Variants in TEX2 observed in about 807,000 individuals in gnomAD.
The protein encoded by TEX2 is testis-expressed protein 2.
In TEX2, 53 loss-of-function variants were observed where a neutral mutation model predicts 106.9. That is an observed-to-expected ratio of 0.50 (90% CI 0.40 to 0.62). TEX2 has a LOEUF of 0.62. Ranked by LOEUF, TEX2 falls within the 20% of genes least tolerant of loss-of-function variation. The pLI is 0.00. For missense variants in TEX2, 1,207 were observed against 1,379.0 expected (o/e 0.88, Z 1.98); for synonymous variants, 523 against 534.8 (o/e 0.98, Z 0.30).
At chr17:64,252,789 C>T (rs541634822) in intron 1 of TEX2, among the ~76,000 whole-genome samples, 1 of 152,238 alleles carries the variant, frequency 6.6e-6, no homozygotes, top group South Asian at 2.1e-4. Flanking sequence ...AGGTCCCTGC[C>T]TTCTTGGAAG....
intron 1 of TEX2, among the ~76,000 whole-genome samples, chr17:64,229,775 A>G (rs1454930901): frequency 1.3e-5 from 2 of 152,202 alleles, no homozygotes; most frequent in Non-Finnish European, 2.9e-5. Flanking sequence ...TCTAGCTATA[A>G]TAAACTGTAA....
chr17:64,154,780 A>T lies in TEX2; in HGVS notation c.2930+62T>A, dbSNP rs2030533273. On this transcript the variant is annotated intron_variant, in intron 9 of 11. Coordinates refer to ENST00000584379, the MANE Select transcript of TEX2 (RefSeq NM_001288732.2). ...AGAGGAAGGAAGGGAAACAAGGTTCACTCCCAACTTGCTGTCCTGATCCCT... is the reference window on the plus strand; with the variant it reads ...AGAGGAAGGAAGGGAAACAAGGTTCTCTCCCAACTTGCTGTCCTGATCCCT... 17 of 1,453,044 alleles carry T rather than the reference A, an allele frequency of 1.2e-5. No individual in the cohort carries two copies. The South Asian group carries it at 2.3e-4, about 20-fold the overall frequency. The allele number at this position is 1,453,044 out of a possible 1,614,324, so 90.0% of individuals were successfully genotyped here. A position where few individuals can be genotyped will look rare whatever the true frequency, so the allele number is the denominator to read the frequency against.
intron 1 of TEX2, among the ~76,000 whole-genome samples, chr17:64,228,185 T>C (rs782129317): frequency 1.8e-4 from 28 of 152,164 alleles, no homozygotes; most frequent in African/African-American, 6.0e-4. Context: ...TTCAAACTCA[T>C]TGAAAAAAAC....
At position 64,158,661 on chromosome 17, in the gene TEX2, T is replaced by C. The variant is rs563904822; in HGVS notation, c.2804+2140A>G. On this transcript the variant is annotated intron_variant, in intron 8 of 11. Coordinates refer to ENST00000584379, the MANE Select transcript of TEX2 (RefSeq NM_001288732.2). ...GGAATCACTTCTGGGATTAGGTTCTTAACCACGGATGGGCTTTCAGAGATT... is the reference window on the plus strand; with the variant it reads ...GGAATCACTTCTGGGATTAGGTTCTCAACCACGGATGGGCTTTCAGAGATT... 2.6e-5 allele frequency among the ~76,000 whole-genome samples: 4 copies of C among 152,312 alleles called. No individual in the cohort carries two copies. In the South Asian group the frequency reaches 8.3e-4, roughly 32 times the overall value.
At chr17:64,177,911 A>G (rs533903758) in intron 5 of TEX2, among the ~76,000 whole-genome samples, 1 of 152,356 alleles carries the variant, frequency 6.6e-6, no homozygotes, top group African/African-American at 2.4e-5. Context: ...CCAGGACTCA[A>G]GTTCAGCCTG....
rs2033212467 is a variant in TEX2 at position 64,217,238 on chromosome 17, T to G, written c.-25-2996A>C. Among the ~76,000 whole-genome samples the G allele has an allele frequency of 6.6e-6, 1 of 152,174 alleles. No individual in the cohort carries two copies. The highest frequency in any genetic ancestry group is 1.5e-5 in the Non-Finnish European group (1 of 68,010). ...AGTGGTCACTGCCTCTGCCTCCTCC[T>G]GGGGACCACTTCAAGTTCCCTCTTC... On this transcript the variant is annotated intron_variant, in intron 1 of 11. Coordinates refer to ENST00000584379, the MANE Select transcript of TEX2 (RefSeq NM_001288732.2). The surrounding 1 kb of genome is among the most constrained non-coding windows in gnomAD (Gnocchi z 4.3).
At chr17:64,173,610 A>C (rs1248365178) in intron 6 of TEX2, among the ~76,000 whole-genome samples, 1 of 152,192 alleles carries the variant, frequency 6.6e-6, no homozygotes, top group Admixed American at 6.5e-5. Flanking sequence ...CATAGTTTTG[A>C]ATTGGTGTTT....
chr17:64,253,515 T>C (rs1052997516), intron 1 of TEX2, among the ~76,000 whole-genome samples: 2 of 151,782 alleles, frequency 1.3e-5, no homozygotes, highest in Non-Finnish European at 2.9e-5. Context: ...GTGAAGAGAT[T>C]AGAAAGGAGT....
intron 6 of TEX2, among the ~76,000 whole-genome samples, chr17:64,176,508 G>A (rs2031623010): frequency 6.6e-6 from 1 of 152,200 alleles, no homozygotes; most frequent in Non-Finnish European, 1.5e-5. Flanking sequence ...GCTACTGACT[G>A]TTCAGTGAAA....
rs1402384751 is a variant in TEX2 at position 64,213,939 on chromosome 17, G to A, written c.279C>T (p.Val93=). ...GGGACACGGACAGTCCATCTGCCAG[G>A]ACAGGCGAGGCAGCAGGGCCGGCGG... ...HDPAGPAASP[V]LADGLSVSQA... The change falls in exon 2 of 12, where the codon GTC becomes GTT. Residue 93 remains valine (V), a synonymous_variant. Coordinates refer to ENST00000584379, the MANE Select transcript of TEX2 (RefSeq NM_001288732.2). The surrounding 1 kb of genome is among the most constrained non-coding windows in gnomAD (Gnocchi z 4.4). 6.2e-7 allele frequency: 1 copy of A among 1,614,092 alleles called. No individual in the cohort carries two copies. Among genetic ancestry groups the A allele is most frequent in the African/African-American group, 1.3e-5 (1 of 74,926 alleles).
intron 1 of TEX2, 91 bp downstream of exon 1, chr17:64,263,077 T>C (rs62071585): frequency 1 from 152,416 of 152,416 alleles, 76,208 homozygotes; most frequent in Non-Finnish European, 1. Flanking sequence ...GACCGGTACT[T>C]TGAAGCCCGC....
At chr17:64,212,351 C>T (rs1054572059) in intron 2 of TEX2, among the ~76,000 whole-genome samples, 42 of 152,180 alleles carry the variant, frequency 2.8e-4, no homozygotes, top group African/African-American at 1.0e-3. Context: ...TCTAGAGTCA[C>T]AGAGATCTTT....
intron 6 of TEX2, among the ~76,000 whole-genome samples, chr17:64,171,895 C>G (rs983759321): frequency 2.7e-5 from 4 of 150,906 alleles, no homozygotes; most frequent in African/African-American, 9.8e-5. Flanking sequence ...GTGGGAGGAT[C>G]ACTTGAACCT....
At chr17:64,241,393 T>G (rs933843329) in intron 1 of TEX2, among the ~76,000 whole-genome samples, 43 of 152,304 alleles carry the variant, frequency 2.8e-4, no homozygotes, top group Middle Eastern at 3.4e-3. Context: ...GGTCTCTCTC[T>G]CAAAAGGACA....
At chr17:64,168,785 A>C (rs1054837360) in intron 7 of TEX2, among the ~76,000 whole-genome samples, 2 of 152,232 alleles carry the variant, frequency 1.3e-5, no homozygotes, top group African/African-American at 4.8e-5. Flanking sequence ...ACATTTCTAA[A>C]GAGGCAAAGA....
Position 64,175,619 on chromosome 17 carries a change from C to T in TEX2, c.2571+1706G>A, listed in dbSNP as rs540400073. On this transcript the variant is annotated intron_variant, in intron 6 of 11. Transcript: ENST00000584379. ...GTTGTTTTTAGAGATGAGAGTCTTG[C>T]TCTGTCACCCAGGCTGGAGTTTGGT... 7.1e-4 allele frequency among the ~76,000 whole-genome samples: 108 copies of T among 152,234 alleles called. 1 individual carries two copies. Among genetic ancestry groups the T allele is most frequent in the African/African-American group, 2.5e-3 (105 of 41,540 alleles).
chr17:64,214,190 C>T lies in TEX2; in HGVS notation c.28G>A (p.Glu10Lys), dbSNP rs782163632. The T allele has an allele frequency of 3.7e-6, 6 of 1,613,926 alleles. No homozygotes were observed. The highest frequency in any genetic ancestry group is 1.6e-4 in the Middle Eastern group (1 of 6,062). Reference protein sequence around the residue: MTSLYGRHAEKTTDMPKPSA... With the variant: MTSLYGRHAKKTTDMPKPSA... ...GGTTTTGGCATGTCAGTGGTTTTCT[C>T]GGCATGGCGACCATACAGACTTGTC... is the stretch of plus-strand genomic sequence containing the variant. Residue 10 changes from glutamate (E) to lysine (K), a missense_variant, in exon 2 of 12, where the codon GAG (glutamate) becomes AAG (lysine). Glu to Lys is a moderately conservative substitution (Grantham distance 56, BLOSUM62 1). Around this residue, in one of 3 missense-constraint regions of TEX2, gnomAD observed 1,067 missense variants for 1,193.6 expected, o/e 0.89. Transcript: ENST00000584379.
chr17:64,240,359 G>A (rs1247156727), intron 1 of TEX2, among the ~76,000 whole-genome samples: 3 of 152,044 alleles, frequency 2.0e-5, no homozygotes, highest in African/African-American at 4.8e-5. Flanking sequence ...GCCAGCCCAC[G>A]ACACCCTGTC....
intron 1 of TEX2, among the ~76,000 whole-genome samples, chr17:64,236,472 GA>G (rs2143361292): frequency 6.6e-6 from 1 of 152,298 alleles, no homozygotes; most frequent in Admixed American, 6.5e-5. Context: ...GCTGAGTGGG[GA>G]GGATCACCTG....
Sources: allele counts gnomAD v4.1 joint callset (sites outside exome capture counted in the v4.1 genomes callset), GRCh38; gene constraint gnomAD v4.1.1; regional missense constraint gnomAD v4.1.1; non-coding constraint Gnocchi (gnomAD v3.1); transcripts MANE v1.5; gene names NCBI Gene and HGNC (gene_info 2026-07-23, HGNC 2026-07-21).